ZNF438: variants seen among roughly 807,000 people sequenced by gnomAD.
The protein encoded by ZNF438 is zinc finger protein 438.
ZNF438 carries 25 observed loss-of-function variants against 38.0 expected under a neutral mutation model. The ratio of observed to expected loss-of-function variants is 0.66; its 90% CI spans 0.48 to 0.92. The LOEUF (loss-of-function observed/expected upper bound fraction) is 0.92, where lower values mean the gene tolerates loss of function less well. Among genes scored for constraint, ZNF438 ranks in the 40% least tolerant of loss-of-function variants. ZNF438 has a pLI of 0.00. For missense variants in ZNF438, 1,007 were observed against 999.6 expected (o/e 1.01, Z -0.10); for synonymous variants, 372 against 364.1 (o/e 1.02, Z -0.25).
chr10:30,974,296 A>T (rs1309903927), intron 1 of ZNF438, among the ~76,000 whole-genome samples: 1 of 152,172 alleles, frequency 6.6e-6, no homozygotes, highest in Non-Finnish European at 1.5e-5. Context: ...CCTGTTTAAG[A>T]CAGGGAGACC....
At chr10:31,019,375 A>T (rs1232144075) in intron 1 of ZNF438, among the ~76,000 whole-genome samples, 2 of 152,252 alleles carry the variant, frequency 1.3e-5, no homozygotes, top group Admixed American at 6.5e-5. Flanking sequence ...AATGCTAATG[A>T]AAGAAAAAGT....
chr10:30,872,269 T>C (rs2037544322), intron 4 of ZNF438, among the ~76,000 whole-genome samples: 1 of 151,398 alleles, frequency 6.6e-6, no homozygotes, highest in Non-Finnish European at 1.5e-5. Flanking sequence ...CTACTAAAAA[T>C]ACAAAAATTA....
intron 1 of ZNF438, among the ~76,000 whole-genome samples, chr10:30,952,410 T>G (rs1242573646): frequency 6.6e-6 from 1 of 152,166 alleles, no homozygotes; most frequent in Non-Finnish European, 1.5e-5. Flanking sequence ...TGGGATCTAA[T>G]TAAATTAAAG....
intron 4 of ZNF438, among the ~76,000 whole-genome samples, chr10:30,855,431 A>C (rs1050201720): frequency 6.6e-6 from 1 of 152,194 alleles, no homozygotes; most frequent in Non-Finnish European, 1.5e-5. Flanking sequence ...TGGGGTGAAA[A>C]GATAAGGTCT....
intron 3 of ZNF438, among the ~76,000 whole-genome samples, chr10:30,893,765 G>A (rs530721945): frequency 6.6e-6 from 1 of 152,146 alleles, no homozygotes; most frequent in South Asian, 2.1e-4. Context: ...ATCCTTTAGG[G>A]TACAACATGG....
chr10:30,946,731 T>C (rs1406641804), intron 1 of ZNF438, among the ~76,000 whole-genome samples: 3 of 152,260 alleles, frequency 2.0e-5, no homozygotes, highest in Admixed American at 1.3e-4. Flanking sequence ...ATTATTTATA[T>C]GGTTGGATCT....
chr10:30,875,169 G>T (rs1304790280), intron 4 of ZNF438, among the ~76,000 whole-genome samples: 1 of 152,076 alleles, frequency 6.6e-6, no homozygotes, highest in Non-Finnish European at 1.5e-5. Flanking sequence ...TTACTTTCCG[G>T]TCAATGGAAG....
chr10:30,996,041 C>G (rs2054013114), intron 1 of ZNF438, among the ~76,000 whole-genome samples: 1 of 152,106 alleles, frequency 6.6e-6, no homozygotes, highest in African/African-American at 2.4e-5. Flanking sequence ...AAGTGAAATT[C>G]TTATAAATCG....
At chr10:31,000,840 T>C (rs1028102478) in intron 1 of ZNF438, among the ~76,000 whole-genome samples, 12 of 152,142 alleles carry the variant, frequency 7.9e-5, no homozygotes, top group Non-Finnish European at 1.5e-5. Flanking sequence ...TCTTTCCAAA[T>C]ACAAACCTAA....
chr10:30,987,319 C>CAAA (rs367636159), intron 1 of ZNF438, among the ~76,000 whole-genome samples: 17 of 102,950 alleles, frequency 1.7e-4, no homozygotes, highest in Admixed American at 2.0e-4. Context: ...ACCCCTGTCT[C>CAAA]AAAAAAAAAA....
intron 1 of ZNF438, among the ~76,000 whole-genome samples, chr10:30,961,910 G>A (rs1323587711): frequency 7.5e-5 from 10 of 133,286 alleles, no homozygotes; most frequent in Non-Finnish European, 1.2e-4. Context: ...AAAAAAAAAA[G>A]TTTTACAAAT....
chr10:30,878,507 T>C (rs571644885), intron 3 of ZNF438, among the ~76,000 whole-genome samples: 6 of 152,218 alleles, frequency 3.9e-5, no homozygotes, highest in African/African-American at 1.4e-4. Flanking sequence ...ATCCTTCAAG[T>C]GTCAGCATGA....
At chr10:30,987,333 A>AG (rs2052940855) in intron 1 of ZNF438, among the ~76,000 whole-genome samples, 1 of 151,852 alleles carries the variant, frequency 6.6e-6, no homozygotes, top group African/African-American at 2.4e-5. Flanking sequence ...AAAAAAAAAA[A>AG]AACTAAAATA....
chr10:30,885,135 A>C (rs1284813871), intron 3 of ZNF438, among the ~76,000 whole-genome samples: 1 of 152,254 alleles, frequency 6.6e-6, no homozygotes, highest in Non-Finnish European at 1.5e-5. Context: ...GCCATAATAT[A>C]ATAAATTTGG....
intron 1 of ZNF438, among the ~76,000 whole-genome samples, chr10:31,027,718 C>A (rs2057032741): frequency 6.6e-6 from 1 of 152,102 alleles, no homozygotes; most frequent in Non-Finnish European, 1.5e-5. Context: ...AGGGAAGCTA[C>A]AAGAGCAGAT....
At chr10:30,934,288 G>A (rs552621651) in intron 2 of ZNF438, among the ~76,000 whole-genome samples, 34 of 152,248 alleles carry the variant, frequency 2.2e-4, no homozygotes, top group Middle Eastern at 3.4e-3. Context: ...TCCTTGATCC[G>A]TATCTGTGTA....
chr10:30,881,920 A>C (rs1476906034), intron 3 of ZNF438, among the ~76,000 whole-genome samples: 2 of 152,204 alleles, frequency 1.3e-5, no homozygotes. Context: ...ACAAAATTTG[A>C]AATGCATCAT....
intron 1 of ZNF438, among the ~76,000 whole-genome samples, chr10:30,958,084 G>C (rs1402809710): frequency 6.8e-6 from 1 of 146,568 alleles, no homozygotes; most frequent in Non-Finnish European, 1.5e-5. Flanking sequence ...GTCTTTTGTA[G>C]TTCCATTTTT....
intron 4 of ZNF438, among the ~76,000 whole-genome samples, chr10:30,852,934 T>G (rs2033941952): frequency 6.6e-6 from 1 of 152,214 alleles, no homozygotes; most frequent in Non-Finnish European, 1.5e-5. Context: ...CCTTTAAATT[T>G]AAATGTTTTT....
Sources: allele counts gnomAD v4.1 joint callset (sites outside exome capture counted in the v4.1 genomes callset), GRCh38; gene constraint gnomAD v4.1.1; transcripts MANE v1.5; gene names NCBI Gene and HGNC (gene_info 2026-07-23, HGNC 2026-07-21).